The following MYT1L variants were observed in gnomAD, a reference collection of about 807,000 sequenced individuals.
MYT1L encodes the protein myelin transcription factor 1 like, also known as myelin transcription factor 1-like protein.
A neutral mutation model predicts 126.7 loss-of-function variants in MYT1L; 12 were observed. That is an observed-to-expected ratio of 0.09 (90% CI 0.06 to 0.15). MYT1L has a LOEUF of 0.15. Ranked by LOEUF, MYT1L falls within the 10% of genes least tolerant of loss-of-function variation. The pLI is 1.00. For synonymous variants in MYT1L, 541 were observed against 604.2 expected, an observed-to-expected ratio of 0.90 and a Z score of 1.53; for missense variants, 979 against 1,585.2, an observed-to-expected ratio of 0.62 and a Z score of 6.49.
At chr2:2,014,192 TC>T (rs1490562078) in intron 4 of MYT1L, among the ~76,000 whole-genome samples, 1 of 148,580 alleles carries the variant, frequency 6.7e-6, no homozygotes, top group Admixed American at 6.6e-5. Flanking sequence ...TATGCAGGAA[TC>T]CTGTTTTTTT....
At chr2:1,970,283 G>A (rs2059708221) in intron 8 of MYT1L, among the ~76,000 whole-genome samples, 1 of 152,160 alleles carries the variant, frequency 6.6e-6, no homozygotes. Context: ...GGGACTCGAA[G>A]AGCCGGGTCC....
At chr2:2,191,106 G>C (rs947637786) in intron 2 of MYT1L, among the ~76,000 whole-genome samples, 2 of 152,186 alleles carry the variant, frequency 1.3e-5, no homozygotes, top group African/African-American at 4.8e-5. Context: ...TTTAAGTGAG[G>C]TCTTGCTTGA....
At chr2:1,836,343 A>T (rs1177481377) in intron 21 of MYT1L, among the ~76,000 whole-genome samples, 1 of 136,580 alleles carries the variant, frequency 7.3e-6, no homozygotes, top group Admixed American at 7.9e-5. Context: ...CCAAGATTCC[A>T]TCAATGTGCA....
chr2:2,241,562 A>G (rs559964602), intron 2 of MYT1L, among the ~76,000 whole-genome samples: 2 of 152,212 alleles, frequency 1.3e-5, no homozygotes, highest in Admixed American at 6.5e-5. Context: ...ATAGGAACAC[A>G]TAAGACTCAT....
At chr2:2,231,869 T>G (rs188125662) in intron 2 of MYT1L, among the ~76,000 whole-genome samples, 3 of 152,334 alleles carry the variant, frequency 2.0e-5, no homozygotes, top group Admixed American at 6.5e-5. Flanking sequence ...ATTTAGTCTT[T>G]GCTCATTTGT....
chr2:1,863,659 T>C (rs577058146), intron 18 of MYT1L, among the ~76,000 whole-genome samples: 2 of 135,410 alleles, frequency 1.5e-5, no homozygotes, highest in Non-Finnish European at 3.4e-5. Context: ...CCAGGAGGGA[T>C]AGAAACGGTA....
intron 4 of MYT1L, among the ~76,000 whole-genome samples, chr2:2,025,957 T>C (rs576637489): frequency 1.3e-5 from 2 of 152,246 alleles, no homozygotes; most frequent in South Asian, 2.1e-4. Flanking sequence ...CAGCAAGAAA[T>C]AGAAAACCAA....
At chr2:2,120,743 A>G (rs181948690) in intron 3 of MYT1L, among the ~76,000 whole-genome samples, 1 of 152,212 alleles carries the variant, frequency 6.6e-6, no homozygotes. Flanking sequence ...ACGAAAGATG[A>G]TCCCATGCTC....
At chr2:2,060,542 G>A (rs1346483855) in intron 3 of MYT1L, among the ~76,000 whole-genome samples, 2 of 152,146 alleles carry the variant, frequency 1.3e-5, no homozygotes, top group African/African-American at 2.4e-5. Context: ...GATATATCCT[G>A]TAATGAAAAG....
rs142846526 is a variant in MYT1L, at chr2:2,224,881, C to A, written c.-420-51893G>T. ...TCCTTGAGAAAGGTCTTAACCAGGG[C>A]TAGCCTTATGCTTGTGTGCTGGGCA... is the stretch of plus-strand genomic sequence containing the variant. On this transcript the variant is annotated intron_variant, in intron 2 of 24. Coordinates refer to ENST00000647738, the MANE Select transcript of MYT1L (RefSeq NM_001303052.2). This position sits in a 1 kb window ranked among gnomAD's most constrained non-coding sequence, Gnocchi z 4.0. Among the ~76,000 whole-genome samples, 249 of 152,062 alleles carry A rather than the reference C, an allele frequency of 1.6e-3. No individual in the cohort carries two copies. Among genetic ancestry groups the A allele is most frequent in the Middle Eastern group, 6.9e-3 (2 of 290 alleles).
intron 2 of MYT1L, among the ~76,000 whole-genome samples, chr2:2,183,112 A>C (rs1392985779): frequency 6.6e-6 from 1 of 152,206 alleles, no homozygotes. Flanking sequence ...TAACACAAAA[A>C]GCATGGAGCA....
At chr2:2,003,435 G>C (rs1167164802) in intron 4 of MYT1L, among the ~76,000 whole-genome samples, 1 of 152,110 alleles carries the variant, frequency 6.6e-6, no homozygotes, top group Non-Finnish European at 1.5e-5. Context: ...CCATGGTCCT[G>C]GCCTCTGGGT....
chr2:2,008,283 T>C (rs1221208213), intron 4 of MYT1L, among the ~76,000 whole-genome samples: 2 of 152,222 alleles, frequency 1.3e-5, no homozygotes, highest in Non-Finnish European at 2.9e-5. Context: ...TTGATTTGAG[T>C]TAATAACTCC....
At chr2:1,807,666 A>T (rs187087014) in intron 22 of MYT1L, among the ~76,000 whole-genome samples, 1 of 152,186 alleles carries the variant, frequency 6.6e-6, no homozygotes, top group Non-Finnish European at 1.5e-5. Flanking sequence ...AGTCTGCTCA[A>T]TGGCTACAGG....
At chr2:2,009,906 T>TG (rs978717553) in intron 4 of MYT1L, among the ~76,000 whole-genome samples, 4 of 151,244 alleles carry the variant, frequency 2.6e-5, no homozygotes, top group African/African-American at 9.7e-5. Flanking sequence ...GAGTTTTTTT[T>TG]TTTTTTTTTT....
At chr2:2,238,646 T>C (rs115181712) in intron 2 of MYT1L, among the ~76,000 whole-genome samples, 304 of 152,324 alleles carry the variant, frequency 2.0e-3, no homozygotes, top group African/African-American at 7.0e-3. Context: ...GTGTGCAGTG[T>C]ATATCTGAGA....
At chr2:2,193,561 G>A (rs1342404499) in intron 2 of MYT1L, among the ~76,000 whole-genome samples, 2 of 152,124 alleles carry the variant, frequency 1.3e-5, no homozygotes, top group African/African-American at 4.8e-5. Flanking sequence ...TGTGGAATAT[G>A]TTATTGATCC....
chr2:1,948,719 C>T (rs2057466036), intron 8 of MYT1L, among the ~76,000 whole-genome samples: 1 of 127,166 alleles, frequency 7.9e-6, no homozygotes, highest in African/African-American at 3.0e-5. Flanking sequence ...CTCACCCTGT[C>T]AGTGCCTCAG....
At chr2:1,805,020 C>T (rs981845177) in intron 22 of MYT1L, among the ~76,000 whole-genome samples, 3 of 152,148 alleles carry the variant, frequency 2.0e-5, no homozygotes, top group Non-Finnish European at 4.4e-5. Flanking sequence ...TGCTAAGAGG[C>T]ATACAGTGAA....
Sources: allele counts gnomAD v4.1 joint callset (sites outside exome capture counted in the v4.1 genomes callset), GRCh38; gene constraint gnomAD v4.1.1; non-coding constraint Gnocchi (gnomAD v3.1); transcripts MANE v1.5; gene names NCBI Gene and HGNC (gene_info 2026-07-23, HGNC 2026-07-21).